The following MCTS1 variants were observed in gnomAD, a reference collection of about 807,000 sequenced individuals.
The protein encoded by MCTS1 is MCTS1 re-initiation and release factor.
For missense variants in MCTS1, 55 were observed against 128.6 expected (o/e 0.43, Z 2.77); for synonymous variants, 26 against 40.8 (o/e 0.64, Z 1.38).
At position 120,614,586 on chromosome X, in the gene MCTS1, A is replaced by G. The variant is rs1008587460; in HGVS notation, c.*2322A>G. ...TAGTCTCATCAGGAACTCATTTGTA[A>G]GTCATCTCCCAGGGGGGTTTCTTCA... On this transcript the variant is annotated 3_prime_UTR_variant, in exon 6 of 6. Coordinates refer to ENST00000371317, the MANE Select transcript of MCTS1 (RefSeq NM_014060.3). Among the ~76,000 whole-genome samples, 1 of 111,935 alleles carries G rather than the reference A, an allele frequency of 8.9e-6. No individual in the cohort carries two copies. Among genetic ancestry groups the G allele is most frequent in the Non-Finnish European group, 1.9e-5 (1 of 53,176 alleles).
At chrX:120,610,153 C>T (rs1331056680) in intron 4 of MCTS1, among the ~76,000 whole-genome samples, 1 of 110,878 alleles carries the variant, frequency 9.0e-6, no homozygotes, top group Non-Finnish European at 1.9e-5. Flanking sequence ...GAAACCCTGT[C>T]TGTACTAAAA....
In MCTS1 at chrX:120,612,293, T is replaced by C. The variant is rs773951955; in HGVS notation, c.*29T>C. 1.5e-5 allele frequency: 16 copies of C among 1,059,729 alleles called. No homozygotes were observed. The highest frequency in any genetic ancestry group is 2.1e-5 in the Non-Finnish European group (16 of 762,918). The allele number at this position is 1,059,729 out of a possible 1,213,427, so 87.3% of individuals were successfully genotyped here. A position where few individuals can be genotyped will look rare whatever the true frequency, so the allele number is the denominator to read the frequency against. On this transcript the variant is annotated 3_prime_UTR_variant, in exon 6 of 6. Coordinates refer to ENST00000371317, the MANE Select transcript of MCTS1 (RefSeq NM_014060.3). ...TCAGAAGGAATGCACTTGGGCTAAA[T>C]ATGGATATTGTGCTGTATCTGTGTT... is the stretch of plus-strand genomic sequence containing the variant.
intron 1 of MCTS1, chrX:120,604,799 C>T (rs912599770): frequency 8.8e-7 from 1 of 1,133,673 alleles, no homozygotes; most frequent in African/African-American, 1.8e-5. Flanking sequence ...TCCTTGGGAA[C>T]CTACTAGTGG....
Position 120,618,075 on chromosome X carries a change from T to A in MCTS1, c.*5811T>A, listed in dbSNP as rs773794849. On this transcript the variant is annotated 3_prime_UTR_variant, in exon 6 of 6. Coordinates refer to ENST00000371317, the MANE Select transcript of MCTS1 (RefSeq NM_014060.3). ...CCTATGCTGATGCATAATGAAGCCC[T>A]GAGGCTTGGAAACTTGCAAACCAAT... is the stretch of plus-strand genomic sequence containing the variant. 8.9e-6 allele frequency among the ~76,000 whole-genome samples: 1 copy of A among 112,735 alleles called. No individual in the cohort carries two copies. Among genetic ancestry groups the A allele is most frequent in the Non-Finnish European group, 1.9e-5 (1 of 53,396 alleles).
In MCTS1 at chrX:120,615,413, G is replaced by A. The variant is rs760135602; in HGVS notation, c.*3149G>A. Reference sequence around the variant, plus strand: ...GAGTATCTACTAGGTTCTAAGTGACGTGGCATGAAGATGAATAATACAGAA... The same window carrying A: ...GAGTATCTACTAGGTTCTAAGTGACATGGCATGAAGATGAATAATACAGAA... On this transcript the variant is annotated 3_prime_UTR_variant, in exon 6 of 6. Coordinates refer to ENST00000371317, the MANE Select transcript of MCTS1 (RefSeq NM_014060.3). Among the ~76,000 whole-genome samples the A allele has an allele frequency of 1.8e-5, 2 of 111,565 alleles. No individual in the cohort carries two copies. Among genetic ancestry groups the A allele is most frequent in the South Asian group, 7.4e-4 (2 of 2,695 alleles).
intron 2 of MCTS1, among the ~76,000 whole-genome samples, 178 bp from the exon 3 acceptor site, chrX:120,605,901 T>G (rs1225519495): frequency 8.9e-6 from 1 of 112,793 alleles, no homozygotes; most frequent in Non-Finnish European, 1.9e-5. Flanking sequence ...TAGCAGGTAA[T>G]ATTTTTCTTT....
chrX:120,605,354 T>C, intron 1 of MCTS1, 53 bp from the exon 2 acceptor site: 1 of 1,062,182 alleles, frequency 9.4e-7, no homozygotes. Flanking sequence ...TTAGGTATTC[T>C]GATACCTCTA....
At chrX:120,607,157 G>A (rs1266747863) in intron 3 of MCTS1, among the ~76,000 whole-genome samples, 1 of 110,762 alleles carries the variant, frequency 9.0e-6, no homozygotes, top group Non-Finnish European at 1.9e-5. Context: ...CGTCATAGCT[G>A]TACATTGTCT....
intron 4 of MCTS1, chrX:120,608,584 G>A: frequency 3.7e-6 from 1 of 267,637 alleles, no homozygotes; most frequent in South Asian, 1.3e-4. Flanking sequence ...ATGAGAACAA[G>A]TTACAGAAGA....
In MCTS1 at chrX:120,615,136, GCAATTCAAAGAGA is replaced by G. The variant is rs1926812362; in HGVS notation, c.*2873_*2885del. Among the ~76,000 whole-genome samples the G allele has an allele frequency of 8.9e-6, 1 of 112,010 alleles. No homozygotes were observed. The highest frequency in any genetic ancestry group is 1.9e-5 in the Non-Finnish European group (1 of 53,244). On this transcript the variant is annotated 3_prime_UTR_variant, in exon 6 of 6. Coordinates refer to ENST00000371317, the MANE Select transcript of MCTS1 (RefSeq NM_014060.3). ...CTAAACATTAGGTCATACATGAAAG[GCAATTCAAAGAGA>G]TTAAACTAGCAGATGTGTCAGCATC...
chrX:120,610,355 C>G (rs756364045), intron 4 of MCTS1, among the ~76,000 whole-genome samples: 20 of 110,880 alleles, frequency 1.8e-4, no homozygotes, highest in Non-Finnish European at 3.8e-4. Context: ...TGGCTCACGC[C>G]TATAATGCCA....
chrX:120,610,428 C>T (rs1263871941), intron 4 of MCTS1, among the ~76,000 whole-genome samples: 2 of 111,391 alleles, frequency 1.8e-5, no homozygotes, highest in African/African-American at 3.3e-5. Context: ...GCCTGGCCAA[C>T]ATGGTGAAAT....
At position 120,612,660 on chromosome X, in the gene MCTS1, CGTGTGTGT is replaced by C. The variant is rs10563395; in HGVS notation, c.*415_*422del. On this transcript the variant is annotated 3_prime_UTR_variant, in exon 6 of 6. Transcript: ENST00000371317. ...CAGGGGACCCAGCAGTGCTCATTCT[CGTGTGTGT>C]GTGTGTGTGTGTGTGTGTATGTGTG... 5.1e-5 allele frequency among the ~76,000 whole-genome samples: 5 copies of C among 97,410 alleles called. No individual in the cohort carries two copies. Among genetic ancestry groups the C allele is most frequent in the African/African-American group, 7.8e-5 (2 of 25,683 alleles). The allele number at this position is 97,410 out of a possible 115,157, so 84.6% of individuals were successfully genotyped here.
intron 3 of MCTS1, among the ~76,000 whole-genome samples, chrX:120,606,826 T>C (rs1284644390): frequency 9.2e-6 from 1 of 108,496 alleles, no homozygotes; most frequent in Non-Finnish European, 1.9e-5. Flanking sequence ...TTTATTGAAC[T>C]TACTATGTGC....
At position 120,618,187 on chromosome X, in the gene MCTS1, A is replaced by G. The variant is rs1360631507; in HGVS notation, c.*5923A>G. ...GAGCTTAAATTTGAGACACTTTTAAAAGCGGCATGTAGTTCCAGTTTTGCT... is the reference window on the plus strand; with the variant it reads ...GAGCTTAAATTTGAGACACTTTTAAGAGCGGCATGTAGTTCCAGTTTTGCT... On this transcript the variant is annotated 3_prime_UTR_variant, in exon 6 of 6. Coordinates refer to ENST00000371317, the MANE Select transcript of MCTS1 (RefSeq NM_014060.3). Among the ~76,000 whole-genome samples, 1 of 112,599 alleles carries G rather than the reference A, an allele frequency of 8.9e-6. No homozygotes were observed. The highest frequency in any genetic ancestry group is 1.9e-5 in the Non-Finnish European group (1 of 53,361).
At chrX:120,606,274 C>T in intron 3 of MCTS1, 98 bp downstream of exon 3, 1 of 420,477 alleles carries the variant, frequency 2.4e-6, no homozygotes, top group South Asian at 6.9e-5. Context: ...AGATAAGACA[C>T]TGCTGGGGGA....
At position 120,605,597 on chromosome X, in the gene MCTS1, G is replaced by A. The variant is rs763913246; in HGVS notation, c.164+38G>A. On this transcript the variant is annotated intron_variant, in intron 2 of 5. Coordinates refer to ENST00000371317, the MANE Select transcript of MCTS1 (RefSeq NM_014060.3). Reference sequence around the variant, plus strand: ...TTTTGTCTGTGTAAAGCTCGGTATAGCTGAATATTTAATGATTAGATTGCA... The same window carrying A: ...TTTTGTCTGTGTAAAGCTCGGTATAACTGAATATTTAATGATTAGATTGCA... 1.1e-5 allele frequency: 13 copies of A among 1,143,063 alleles called. No individual in the cohort carries two copies. In the Admixed American group the frequency reaches 3.2e-4, roughly 28 times the overall value. 94.2% of individuals were successfully genotyped at this position (1,143,063 alleles called of 1,213,427 possible). A position where few individuals can be genotyped will look rare whatever the true frequency, so the allele number is the denominator to read the frequency against.
rs1054024523 is a variant in MCTS1, at chrX:120,617,780, A to G, written c.*5516A>G. ...ACTGTTAACGTCCATTTAATAATCT[A>G]TGGTGAAATAGGTAATTTCTTCTTA... On this transcript the variant is annotated 3_prime_UTR_variant, in exon 6 of 6. Coordinates refer to ENST00000371317, the MANE Select transcript of MCTS1 (RefSeq NM_014060.3). Among the ~76,000 whole-genome samples the G allele has an allele frequency of 1.8e-5, 2 of 112,477 alleles. No individual in the cohort carries two copies. The highest frequency in any genetic ancestry group is 9.4e-5 in the Admixed American group (1 of 10,601).
In MCTS1 at chrX:120,617,180, TTTG is replaced by T. The variant is rs199750166; in HGVS notation, c.*4940_*4942del. On this transcript the variant is annotated 3_prime_UTR_variant, in exon 6 of 6. Transcript: ENST00000371317. ...AAATTAAACTCATCCAACTCATACATTTGTTGTTGTTGTTGTTGTTGTTGTTTT... is the reference window on the plus strand; with the variant it reads ...AAATTAAACTCATCCAACTCATACATTTGTTGTTGTTGTTGTTGTTGTTTT... 0.016 allele frequency among the ~76,000 whole-genome samples: 1,751 copies of T among 111,400 alleles called. 37 individuals are homozygous for T. The highest frequency in any genetic ancestry group is 0.052 in the African/African-American group (1,591 of 30,621).
Sources: allele counts gnomAD v4.1 joint callset (sites outside exome capture counted in the v4.1 genomes callset), GRCh38; gene constraint gnomAD v4.1.1; transcripts MANE v1.5; gene names NCBI Gene and HGNC (gene_info 2026-07-23, HGNC 2026-07-21).